The following COX16 variants were observed in gnomAD, a reference collection of about 807,000 sequenced individuals.
COX16 encodes cytochrome c oxidase assembly protein COX16 homolog, mitochondrial.
A neutral mutation model predicts 15.4 loss-of-function variants in COX16; 12 were observed. That is an observed-to-expected ratio of 0.78 (90% CI 0.50 to 1.26). The LOEUF is 1.26. COX16 is among the 50% of genes most tolerant of loss of function. The probability of loss-of-function intolerance (pLI) is 0.00; values close to 1 mark genes in which losing one functional copy is unlikely to be tolerated. For missense variants in COX16, 124 were observed against 127.6 expected, an observed-to-expected ratio of 0.97 and a Z score of 0.14; for synonymous variants, 46 against 41.1, an observed-to-expected ratio of 1.12 and a Z score of -0.46.
intron 1 of COX16, 199 bp downstream of exon 1, chr14:70,359,320 G>C (rs1393021453): frequency 2.0e-5 from 13 of 657,582 alleles, no homozygotes; most frequent in South Asian, 7.5e-5. Context: ...AACCGGGAGT[G>C]GGGGACAGCG....
intron 1 of COX16, among the ~76,000 whole-genome samples, chr14:70,348,520 C>T (rs1886849724): frequency 6.6e-6 from 1 of 152,078 alleles, no homozygotes; most frequent in Non-Finnish European, 1.5e-5. Context: ...TAGATGGCAG[C>T]TCCTTCCTAT....
intron 2 of COX16, among the ~76,000 whole-genome samples, chr14:70,331,827 C>G (rs1446471035): frequency 3.7e-5 from 2 of 54,198 alleles, no homozygotes; most frequent in Non-Finnish European, 8.0e-5. Context: ...AGGATGTCAC[C>G]AAGATGGCAG....
At chr14:70,338,862 C>T (rs560287459) in intron 2 of COX16, among the ~76,000 whole-genome samples, 9 of 152,292 alleles carry the variant, frequency 5.9e-5, no homozygotes, top group Admixed American at 2.0e-4. Flanking sequence ...CTGTCTCCAC[C>T]ATGCCCAATC....
intron 2 of COX16, among the ~76,000 whole-genome samples, chr14:70,336,148 C>T (rs1036416582): frequency 9.9e-5 from 15 of 152,036 alleles, no homozygotes; most frequent in Admixed American, 9.8e-4. Flanking sequence ...CCCAGCTACT[C>T]GGGAGGCTGA....
intron 2 of COX16, among the ~76,000 whole-genome samples, chr14:70,339,839 C>A (rs533616202): frequency 9.9e-5 from 15 of 152,248 alleles, no homozygotes; most frequent in East Asian, 5.8e-4. Context: ...GTCTTCTGAT[C>A]CTTCTCACCT....
chr14:70,341,257 A>G (rs754468224), intron 2 of COX16, among the ~76,000 whole-genome samples: 3 of 152,204 alleles, frequency 2.0e-5, no homozygotes, highest in Non-Finnish European at 4.4e-5. Flanking sequence ...AAATTGTTCT[A>G]ATCCTTCATA....
intron 3 of COX16, chr14:70,328,119 A>G (rs11627279): frequency 0.87 from 117,349 of 134,878 alleles, 50,987 homozygotes; most frequent in East Asian, 0.93. Flanking sequence ...TCGTTCTGTC[A>G]CCCAGGCTGG....
At chr14:70,359,340 T>C (rs1301784641) in intron 1 of COX16, 179 bp downstream of exon 1, 1 of 672,968 alleles carries the variant, frequency 1.5e-6, no homozygotes, top group Non-Finnish European at 2.7e-6. Context: ...GGCGGGGAAG[T>C]GGGGGTGTGG....
intron 1 of COX16, among the ~76,000 whole-genome samples, chr14:70,347,296 T>A (rs1449857656): frequency 6.6e-6 from 1 of 152,216 alleles, no homozygotes; most frequent in Admixed American, 6.5e-5. Flanking sequence ...TTAACCAAGC[T>A]GTACTCCCAG....
rs1008020018 is a variant in COX16, at chr14:70,355,439, TAATC to T, written c.69+4076_69+4079del. On this transcript the variant is annotated intron_variant, in intron 1 of 3. Transcript: ENST00000389912. ...TCTCTATTCACTTATTTTGTAATCT[TAATC>T]AATCTTATGGCTTTAAAAGCATATG... Among the ~76,000 whole-genome samples the T allele has an allele frequency of 7.9e-4, 120 of 152,322 alleles. 1 individual carries two copies. Among genetic ancestry groups the T allele is most frequent in the Admixed American group, 7.8e-4 (12 of 15,296 alleles).
chr14:70,336,171 G>A (rs1328765090), intron 2 of COX16, among the ~76,000 whole-genome samples: 3 of 152,162 alleles, frequency 2.0e-5, no homozygotes, highest in East Asian at 1.9e-4. Context: ...CAGGAGAATC[G>A]CTTGAACCCA....
intron 1 of COX16, among the ~76,000 whole-genome samples, chr14:70,347,223 C>T (rs1367110870): frequency 2.0e-5 from 3 of 152,178 alleles, no homozygotes; most frequent in African/African-American, 7.2e-5. Flanking sequence ...CCTTTTAACA[C>T]ACCAGTTCTA....
rs566927772 is a variant in COX16, at chr14:70,351,349, CAA to C, written c.69+8168_69+8169del. On this transcript the variant is annotated intron_variant, in intron 1 of 3. Coordinates refer to ENST00000389912, the MANE Select transcript of COX16 (RefSeq NM_016468.7). ...TTAATATTTTATTAATAAATACACA[CAA>C]AAGTGTATATAAAGCATTAATTTAG... Among the ~76,000 whole-genome samples, 468 of 152,186 alleles carry C rather than the reference CAA, an allele frequency of 3.1e-3. 1 individual carries two copies. Among genetic ancestry groups the C allele is most frequent in the African/African-American group, 0.01 (435 of 41,482 alleles).
At chr14:70,353,270 A>AG (rs1195921819) in intron 1 of COX16, among the ~76,000 whole-genome samples, 1 of 149,166 alleles carries the variant, frequency 6.7e-6, no homozygotes, top group Non-Finnish European at 1.5e-5. Context: ...AAAAAAAAAA[A>AG]GAAAGAAAAA....
chr14:70,348,478 A>G (rs1886848348), intron 1 of COX16, among the ~76,000 whole-genome samples: 1 of 151,668 alleles, frequency 6.6e-6, no homozygotes, highest in African/African-American at 2.4e-5. Context: ...TAACAGCCCA[A>G]CCCCTTCCAG....
intron 3 of COX16, among the ~76,000 whole-genome samples, chr14:70,326,661 C>T (rs573032466): frequency 4.6e-5 from 7 of 152,228 alleles, no homozygotes; most frequent in African/African-American, 1.4e-4. Flanking sequence ...GCCTATCTTA[C>T]GCCACCTTAA....
chr14:70,326,570 C>T, intron 3 of COX16, 121 bp from the exon 4 acceptor site: 1 of 601,020 alleles, frequency 1.7e-6, no homozygotes, highest in Admixed American at 4.1e-5. Context: ...TCGATTACAA[C>T]TGTAGCAAAT....
Position 70,326,598 on chromosome 14 carries a change from T to C in COX16, c.205-149A>G, listed in dbSNP as rs1378823605. On this transcript the variant is annotated intron_variant, in intron 3 of 3. Transcript: ENST00000389912. ...TAGCAAATAAATCAACTACAATCAT[T>C]GATGAAATGTCATCTTAAGATTTAG... 6 of 501,594 alleles carry C rather than the reference T, an allele frequency of 1.2e-5. No homozygotes were observed. In the Admixed American group the frequency reaches 1.3e-4, roughly 11 times the overall value. The allele number at this position is 501,594 out of a possible 1,614,324, so 31.1% of individuals were successfully genotyped here. A position where few individuals can be genotyped will look rare whatever the true frequency, so the allele number is the denominator to read the frequency against.
rs1886043840 is a variant in COX16, at chr14:70,325,663, A to AG, written c.*669_*670insC. 6.8e-6 allele frequency: 1 copy of AG among 147,988 alleles called. No homozygotes were observed. Among genetic ancestry groups the AG allele is most frequent in the South Asian group, 2.2e-4 (1 of 4,556 alleles). 9.2% of individuals were successfully genotyped at this position (147,988 alleles called of 1,614,324 possible). On this transcript the variant is annotated 3_prime_UTR_variant, in exon 4 of 4. Coordinates refer to ENST00000389912, the MANE Select transcript of COX16 (RefSeq NM_016468.7). ...TTTTAGTATTATCTTAGTATTTCTC[A>AG]AAATGTAGTCATCTATGGATTTACT...
Sources: allele counts gnomAD v4.1 joint callset (sites outside exome capture counted in the v4.1 genomes callset), GRCh38; gene constraint gnomAD v4.1.1; transcripts MANE v1.5; gene names NCBI Gene and HGNC (gene_info 2026-07-23, HGNC 2026-07-21).